GPC5: variants seen among roughly 807,000 people sequenced by gnomAD.
GPC5 encodes glypican-5.
In GPC5, 47 loss-of-function variants were observed where a neutral mutation model predicts 53.9. That is an observed-to-expected ratio of 0.87 (90% CI 0.69 to 1.11). The LOEUF is 1.11. Ranked by LOEUF, GPC5 falls within the 50% of genes most tolerant of loss-of-function variation. The probability of loss-of-function intolerance (pLI) is 0.00; values close to 1 mark genes in which losing one functional copy is unlikely to be tolerated. For missense variants in GPC5, 748 were observed against 713.1 expected (o/e 1.05, Z -0.56); for synonymous variants, 286 against 263.3 (o/e 1.09, Z -0.84).
intron 7 of GPC5, among the ~76,000 whole-genome samples, chr13:92,247,951 C>T (rs991486635): frequency 4.6e-5 from 7 of 151,972 alleles, no homozygotes; most frequent in African/African-American, 1.7e-4. Flanking sequence ...TATAAGACTA[C>T]TCTTAACACA....
intron 2 of GPC5, among the ~76,000 whole-genome samples, chr13:91,571,583 G>C (rs367696369): frequency 6.6e-6 from 1 of 151,670 alleles, no homozygotes; most frequent in Non-Finnish European, 1.5e-5. Flanking sequence ...AAAGTAGCTG[G>C]GTGTGGTGGC....
intron 7 of GPC5, among the ~76,000 whole-genome samples, chr13:92,274,139 T>C (rs1325401627): frequency 2.0e-5 from 3 of 152,192 alleles, no homozygotes; most frequent in Non-Finnish European, 4.4e-5. Context: ...AATAATTTTG[T>C]AAAAGTTTAT....
chr13:91,517,401 C>T (rs936292925), intron 2 of GPC5, among the ~76,000 whole-genome samples: 1 of 152,172 alleles, frequency 6.6e-6, no homozygotes, highest in African/African-American at 2.4e-5. Flanking sequence ...AGTCTCTTTG[C>T]TAAAACATAA....
At chr13:92,126,491 A>T (rs1052252404) in intron 6 of GPC5, among the ~76,000 whole-genome samples, 9 of 152,218 alleles carry the variant, frequency 5.9e-5, no homozygotes, top group Admixed American at 3.3e-4. Flanking sequence ...GAAAATCTGC[A>T]ATCAGTAAGA....
chr13:91,735,337 C>T (rs2036791508), intron 4 of GPC5, among the ~76,000 whole-genome samples: 1 of 151,002 alleles, frequency 6.6e-6, no homozygotes. Flanking sequence ...ACAGTCCATC[C>T]TTTCCCCCTT....
intron 6 of GPC5, among the ~76,000 whole-genome samples, chr13:92,127,744 A>G (rs566995518): frequency 2.6e-5 from 4 of 152,340 alleles, no homozygotes; most frequent in Non-Finnish European, 4.4e-5. Context: ...ATTGAAATGT[A>G]TAAAGTTTTT....
chr13:92,720,109 G>C (rs1436098154), intron 7 of GPC5: 1 of 152,090 alleles, frequency 6.6e-6, no homozygotes, highest in Non-Finnish European at 1.5e-5. Context: ...GCTTTTAATA[G>C]ATAAGCATAC....
chr13:91,689,207 A>G (rs946256938), intron 2 of GPC5, among the ~76,000 whole-genome samples: 1 of 118,256 alleles, frequency 8.5e-6, no homozygotes, highest in African/African-American at 3.4e-5. Context: ...ATATATATAT[A>G]TATATATATA....
At chr13:92,394,721 C>A (rs1875180440) in intron 7 of GPC5, among the ~76,000 whole-genome samples, 1 of 152,056 alleles carries the variant, frequency 6.6e-6, no homozygotes, top group Non-Finnish European at 1.5e-5. Flanking sequence ...ATGTTTTAAA[C>A]AAATTAAAAG....
chr13:91,750,356 G>A (rs541444982), intron 4 of GPC5, among the ~76,000 whole-genome samples: 3 of 152,082 alleles, frequency 2.0e-5, no homozygotes, highest in Non-Finnish European at 4.4e-5. Flanking sequence ...CACAAGATGA[G>A]CAACTGACAT....
intron 5 of GPC5, among the ~76,000 whole-genome samples, chr13:91,817,731 A>G (rs951187403): frequency 2.0e-5 from 3 of 152,212 alleles, no homozygotes; most frequent in African/African-American, 4.8e-5. Context: ...CATTTAATCA[A>G]ACCAATAGGA....
Position 92,247,321 on chromosome 13 carries a change from C to A in GPC5, c.1561+102332C>A, listed in dbSNP as rs150532736. On this transcript the variant is annotated intron_variant, in intron 7 of 7. Coordinates refer to ENST00000377067, the MANE Select transcript of GPC5 (RefSeq NM_004466.6). ...TCCATGAAGAAGGTATTAATTGAGA[C>A]AGGTATTGTTAAGAAATTAAGATGT... 3.8e-3 allele frequency among the ~76,000 whole-genome samples: 579 copies of A among 152,174 alleles called. 3 individuals carry two copies. Among genetic ancestry groups the A allele is most frequent in the African/African-American group, 0.013 (551 of 41,540 alleles).
intron 6 of GPC5, among the ~76,000 whole-genome samples, chr13:92,022,085 C>T (rs1210755307): frequency 4.6e-5 from 7 of 151,796 alleles, no homozygotes; most frequent in African/African-American, 1.5e-4. Context: ...CTGCAACCAC[C>T]GCCTCCCAGG....
chr13:92,025,499 A>C (rs1199790109), intron 6 of GPC5, among the ~76,000 whole-genome samples: 1 of 152,138 alleles, frequency 6.6e-6, no homozygotes, highest in African/African-American at 2.4e-5. Flanking sequence ...AAGCGGACAA[A>C]GTAGTGAGAA....
At chr13:92,531,024 T>A (rs1240362007) in intron 7 of GPC5, among the ~76,000 whole-genome samples, 1 of 152,206 alleles carries the variant, frequency 6.6e-6, no homozygotes, top group Non-Finnish European at 1.5e-5. Flanking sequence ...TATAAATACC[T>A]AAATCCTTAG....
chr13:92,147,315 T>C (rs1379417869), intron 7 of GPC5, among the ~76,000 whole-genome samples: 2 of 152,060 alleles, frequency 1.3e-5, no homozygotes, highest in African/African-American at 4.8e-5. Context: ...TTATTTGTAC[T>C]ATAATTGCAT....
chr13:91,609,293 G>A (rs1466394181), intron 2 of GPC5, among the ~76,000 whole-genome samples: 1 of 151,926 alleles, frequency 6.6e-6, no homozygotes. Context: ...AACATGATCA[G>A]TTAGCTTCTT....
chr13:91,750,217 A>G lies in GPC5; in HGVS notation c.1155-6078A>G, dbSNP rs189665252. Among the ~76,000 whole-genome samples, 12 of 152,312 alleles carry G rather than the reference A, an allele frequency of 7.9e-5. No individual in the cohort carries two copies. The East Asian group carries it at 1.2e-3, about 15-fold the overall frequency. ...CCCAGATGACAAATTATCCATTTTT[A>G]TTGGTCCAGACATAGAGGCTTTGAA... On this transcript the variant is annotated intron_variant, in intron 4 of 7. Coordinates refer to ENST00000377067, the MANE Select transcript of GPC5 (RefSeq NM_004466.6).
At chr13:91,912,670 T>C (rs2039621208) in intron 6 of GPC5, among the ~76,000 whole-genome samples, 1 of 152,142 alleles carries the variant, frequency 6.6e-6, no homozygotes, top group African/African-American at 2.4e-5. Flanking sequence ...CATATTATCC[T>C]ATCATATGGA....
Sources: allele counts gnomAD v4.1 joint callset (sites outside exome capture counted in the v4.1 genomes callset), GRCh38; gene constraint gnomAD v4.1.1; transcripts MANE v1.5; gene names NCBI Gene and HGNC (gene_info 2026-07-23, HGNC 2026-07-21).